The following DIP2C variants were observed in gnomAD, a reference collection of about 807,000 sequenced individuals.
DIP2C encodes the protein disco-interacting protein 2 homolog C.
A neutral mutation model predicts 192.4 loss-of-function variants in DIP2C; 33 were observed. The ratio of observed to expected loss-of-function variants is 0.17; its 90% CI spans 0.13 to 0.23. DIP2C has a LOEUF of 0.23. DIP2C is among the 10% of genes least tolerant of loss of function. The pLI is 1.00. For missense variants in DIP2C, 1,537 were observed against 2,110.1 expected, an observed-to-expected ratio of 0.73 and a Z score of 5.32; for synonymous variants, 979 against 864.1, an observed-to-expected ratio of 1.13 and a Z score of -2.33.
At chr10:658,235 C>CGCTGGACCTGAT in intron 1 of DIP2C, among the ~76,000 whole-genome samples, 2 of 149,916 alleles carry the variant, frequency 1.3e-5, no homozygotes, top group Non-Finnish European at 1.5e-5. Context: ...CTGGACCTGC[C>CGCTGGACCTGAT]GCTGGACCTG....
At chr10:472,653 C>T (rs558376253) in intron 2 of DIP2C, 104 bp from the exon 3 acceptor site, 2 of 1,028,820 alleles carry the variant, frequency 1.9e-6, no homozygotes, top group South Asian at 1.4e-5. Flanking sequence ...GCCAGAGCTA[C>T]CCACGGGACT....
intron 4 of DIP2C, among the ~76,000 whole-genome samples, chr10:439,640 A>C (rs1409278335): frequency 6.6e-6 from 1 of 152,126 alleles, no homozygotes; most frequent in Non-Finnish European, 1.5e-5. Flanking sequence ...AACAAAAAAC[A>C]ACAAAAACCC....
Position 637,745 on chromosome 10 carries a change from A to C in DIP2C, c.85+51749T>G, listed in dbSNP as rs192160935. On this transcript the variant is annotated intron_variant, in intron 1 of 36. Coordinates refer to ENST00000280886, the MANE Select transcript of DIP2C (RefSeq NM_014974.3). ...TCTACAAAGTCTCAAGATAAAATCA[A>C]AACAAAGAGGTCTTCAGAGGAGTCA... Among the ~76,000 whole-genome samples the C allele has an allele frequency of 7.1e-4, 108 of 152,320 alleles. 1 individual carries two copies. In the East Asian group the frequency reaches 0.019, roughly 26 times the overall value.
chr10:645,570 T>C lies in DIP2C; in HGVS notation c.85+43924A>G, dbSNP rs139232709. Among the ~76,000 whole-genome samples, 358 of 152,354 alleles carry C rather than the reference T, an allele frequency of 2.3e-3. 3 individuals are homozygous for C. Among genetic ancestry groups the C allele is most frequent in the African/African-American group, 8.1e-3 (338 of 41,572 alleles). On this transcript the variant is annotated intron_variant, in intron 1 of 36. Coordinates refer to ENST00000280886, the MANE Select transcript of DIP2C (RefSeq NM_014974.3). ...ATGTATAAAAACATTGATGACTTGA[T>C]GGTGGTATTATAAGTAATTTTTAAA...
intron 1 of DIP2C, among the ~76,000 whole-genome samples, chr10:489,868 G>T (rs1175985742): frequency 4.5e-5 from 3 of 67,412 alleles, no homozygotes; most frequent in African/African-American, 1.3e-4. Context: ...CAGTGCCCGG[G>T]GCTTCCTCCA....
intron 32 of DIP2C, among the ~76,000 whole-genome samples, chr10:302,905 G>A (rs1589428128): frequency 1.3e-5 from 2 of 152,316 alleles, no homozygotes; most frequent in Non-Finnish European, 2.9e-5. Context: ...GCACGTGGCT[G>A]TAGACTCTGT....
chr10:654,845 G>A (rs1448414789), intron 1 of DIP2C, among the ~76,000 whole-genome samples: 7 of 152,104 alleles, frequency 4.6e-5, no homozygotes, highest in African/African-American at 1.2e-4. Context: ...TACTATGATC[G>A]GTTTGTTCTA....
At position 440,879 on chromosome 10, in the gene DIP2C, G is replaced by C; in HGVS notation, c.386C>G (p.Thr129Ser). 1 of 1,612,690 alleles carries C rather than the reference G, an allele frequency of 6.2e-7. No homozygotes were observed. The highest frequency in any genetic ancestry group is 2.2e-5 in the East Asian group (1 of 44,866). The change falls in exon 4 of 37, where the codon ACC becomes AGC. Residue 129 changes from threonine to serine, a missense_variant. Physicochemically the swap from Thr to Ser is moderately conservative, Grantham distance 58. Around this residue, in one of 4 missense-constraint regions of DIP2C, gnomAD observed 473 missense variants for 539.6 expected, o/e 0.88. Coordinates refer to ENST00000280886, the MANE Select transcript of DIP2C (RefSeq NM_014974.3). ...LVVQTSMDAY[T>S]PPDTSSGSED... Reference sequence around the variant, plus strand: ...GGGAGCGTGTCCCTTACCTGGAGGGGTGTAGGCGTCCATCGAGGTCTGCAC... The same window carrying C: ...GGGAGCGTGTCCCTTACCTGGAGGGCTGTAGGCGTCCATCGAGGTCTGCAC...
intron 1 of DIP2C, among the ~76,000 whole-genome samples, chr10:633,407 G>C (rs182618521): frequency 6.6e-6 from 1 of 152,238 alleles, no homozygotes; most frequent in African/African-American, 2.4e-5. Flanking sequence ...GAGCGGACGC[G>C]GGGAGTCCGA....
intron 1 of DIP2C, among the ~76,000 whole-genome samples, chr10:511,203 A>T (rs1451574431): frequency 6.6e-6 from 1 of 152,182 alleles, no homozygotes; most frequent in African/African-American, 2.4e-5. Context: ...AGGGGGCAGG[A>T]GAGAGCAGCA....
At chr10:369,269 G>C (rs1331055290) in intron 18 of DIP2C, among the ~76,000 whole-genome samples, 2 of 152,198 alleles carry the variant, frequency 1.3e-5, no homozygotes, top group Admixed American at 1.3e-4. Context: ...TGAGGTCCCA[G>C]TGTGCAAAGC....
chr10:606,471 C>G (rs1852486434), intron 1 of DIP2C, among the ~76,000 whole-genome samples: 1 of 151,672 alleles, frequency 6.6e-6, no homozygotes, highest in Non-Finnish European at 1.5e-5. Flanking sequence ...GCGGTAATTA[C>G]CTGCTGTGAT....
At chr10:599,039 T>C (rs1260261329) in intron 1 of DIP2C, among the ~76,000 whole-genome samples, 1 of 152,080 alleles carries the variant, frequency 6.6e-6, no homozygotes, top group African/African-American at 2.4e-5. Context: ...GCGAAGACCG[T>C]GTGGAATAAA....
Position 366,281 on chromosome 10 carries a change from G to A in DIP2C, c.2262C>T (p.Thr754=). Reference sequence around the variant, plus strand: ...AAGACTCTCCTCCACCTACCTCAAAGGTGTTCTTGGTCATGCCAGAGAGGC... The same window carrying A: ...AAGACTCTCCTCCACCTACCTCAAAAGTGTTCTTGGTCATGCCAGAGAGGC... ...YYGLSGMTKN[T]FEVFPMTSSG... Residue 754 remains threonine (T), a synonymous_variant, in exon 19 of 37, where the codon ACC becomes ACT. Transcript: ENST00000280886. 1.2e-6 allele frequency: 2 copies of A among 1,613,106 alleles called. No individual in the cohort carries two copies. The highest frequency in any genetic ancestry group is 1.7e-6 in the Non-Finnish European group (2 of 1,179,596).
chr10:422,141 C>G (rs1192714930), intron 5 of DIP2C, among the ~76,000 whole-genome samples: 4 of 152,168 alleles, frequency 2.6e-5, no homozygotes, highest in Non-Finnish European at 4.4e-5. Context: ...GCAGTCGTCT[C>G]CGGTTACTGC....
At chr10:400,323 C>A (rs1490473992) in intron 9 of DIP2C, among the ~76,000 whole-genome samples, 1 of 151,582 alleles carries the variant, frequency 6.6e-6, no homozygotes, top group Non-Finnish European at 1.5e-5. Context: ...TGTTGCCTGG[C>A]CAGTATGTTT....
At chr10:570,492 C>CCT (rs1849721791) in intron 1 of DIP2C, among the ~76,000 whole-genome samples, 2 of 152,094 alleles carry the variant, frequency 1.3e-5, no homozygotes, top group African/African-American at 4.8e-5. Context: ...CTCTCCACCT[C>CCT]CTCCTTTACC....
chr10:624,349 G>C (rs1193564755), intron 1 of DIP2C, among the ~76,000 whole-genome samples: 1 of 152,222 alleles, frequency 6.6e-6, no homozygotes, highest in Non-Finnish European at 1.5e-5. Context: ...GGACCGTCTA[G>C]GGGAGCCCAC....
At chr10:682,140 G>A (rs573176230) in intron 1 of DIP2C, among the ~76,000 whole-genome samples, 16 of 152,360 alleles carry the variant, frequency 1.1e-4, no homozygotes, top group African/African-American at 3.8e-4. Context: ...GGAGCAACCA[G>A]CTCTTCCCAG....
Sources: gnomAD v4.1 joint callset for allele counts (sites outside exome capture counted in the v4.1 genomes callset) on GRCh38, gnomAD v4.1.1 for gene constraint, gnomAD v4.1.1 regional missense constraint, MANE v1.5 for transcripts, NCBI Gene and HGNC (gene_info 2026-07-23, HGNC 2026-07-21) for gene names.